Variants in DNM3 observed in about 807,000 individuals in gnomAD.
The protein encoded by DNM3 is dynamin-3.
In DNM3, 47 loss-of-function variants were observed where a neutral mutation model predicts 101.6. The observed-to-expected ratio is 0.46, with a 90% CI of 0.37 to 0.59. The LOEUF (loss-of-function observed/expected upper bound fraction) is 0.59. Ranked by LOEUF, DNM3 falls within the 20% of genes least tolerant of loss-of-function variation. The probability of loss-of-function intolerance (pLI) is 0.00; values close to 1 mark genes in which losing one functional copy is unlikely to be tolerated. For missense variants in DNM3, 849 were observed against 1,085.7 expected, an observed-to-expected ratio of 0.78 and a Z score of 3.06; for synonymous variants, 385 against 387.9, an observed-to-expected ratio of 0.99 and a Z score of 0.09.
chr1:172,269,392 T>C (rs554625539), intron 15 of DNM3, among the ~76,000 whole-genome samples: 1 of 152,208 alleles, frequency 6.6e-6, no homozygotes, highest in South Asian at 2.1e-4. Context: ...TTGGAAACCA[T>C]AGAACAACCC....
chr1:171,886,746 A>C (rs1217857296), intron 1 of DNM3, among the ~76,000 whole-genome samples: 1 of 152,228 alleles, frequency 6.6e-6, no homozygotes, highest in East Asian at 1.9e-4. Context: ...GATTAGGTTA[A>C]GAAGTCATTA....
chr1:171,958,978 A>G (rs1160798128), intron 2 of DNM3, among the ~76,000 whole-genome samples: 1 of 152,228 alleles, frequency 6.6e-6, no homozygotes, highest in African/African-American at 2.4e-5. Flanking sequence ...GTCTAGGAGC[A>G]TAATCTTGAG....
intron 17 of DNM3, chr1:172,370,047 C>A (rs954841587): frequency 1.3e-5 from 2 of 151,974 alleles, no homozygotes; most frequent in African/African-American, 4.8e-5. Flanking sequence ...TTTTAAAACC[C>A]CATCTCTCAA....
intron 19 of DNM3, 21 bp downstream of exon 19, chr1:172,387,380 G>A (rs1002865790): frequency 9.4e-6 from 15 of 1,592,534 alleles, no homozygotes; most frequent in African/African-American, 8.1e-5. Context: ...GGCCCCGGCC[G>A]GGTGCGGTGG....
chr1:172,061,126 T>A (rs1296208638), intron 10 of DNM3, among the ~76,000 whole-genome samples: 2 of 148,914 alleles, frequency 1.3e-5, no homozygotes, highest in Non-Finnish European at 3.0e-5. Flanking sequence ...ATCAGAGAAA[T>A]GCAAATCAAA....
At chr1:172,119,497 G>A (rs959496671) in intron 13 of DNM3, among the ~76,000 whole-genome samples, 7 of 151,662 alleles carry the variant, frequency 4.6e-5, no homozygotes, top group Admixed American at 1.3e-4. Flanking sequence ...TTCTAGCCCC[G>A]CCTCGGTTTC....
chr1:172,180,879 T>C (rs1464497840), intron 14 of DNM3, among the ~76,000 whole-genome samples: 2 of 152,154 alleles, frequency 1.3e-5, no homozygotes, highest in Non-Finnish European at 2.9e-5. Context: ...TCACAATATC[T>C]AATAGTTTAT....
intron 4 of DNM3, among the ~76,000 whole-genome samples, chr1:172,014,432 C>T (rs1268799991): frequency 6.6e-6 from 1 of 152,124 alleles, no homozygotes; most frequent in Non-Finnish European, 1.5e-5. Flanking sequence ...ATGAGAGTTC[C>T]TGTTGCTCCA....
chr1:172,291,726 T>C (rs1206825492), intron 15 of DNM3, among the ~76,000 whole-genome samples: 1 of 152,106 alleles, frequency 6.6e-6, no homozygotes, highest in Non-Finnish European at 1.5e-5. Context: ...ATTTGATAGT[T>C]GTAGTTATAA....
At chr1:172,020,648 C>T (rs11581104) in intron 4 of DNM3, among the ~76,000 whole-genome samples, 38,884 of 146,918 alleles carry the variant, frequency 0.26, 5,723 homozygotes, top group East Asian at 0.44. Flanking sequence ...GGTGTGAACC[C>T]GGGAGGTGGA....
At chr1:171,939,074 C>CT (rs35766040) in intron 2 of DNM3, among the ~76,000 whole-genome samples, 14,224 of 151,918 alleles carry the variant, frequency 0.094, 878 homozygotes, top group East Asian at 0.33. Context: ...TCTTTTGTTA[C>CT]TTTTTTTCCT....
intron 1 of DNM3, among the ~76,000 whole-genome samples, chr1:171,904,294 T>TA (rs1334958800): frequency 7.2e-5 from 11 of 152,118 alleles, no homozygotes; most frequent in African/African-American, 2.4e-4. Context: ...TGCGGCAGAG[T>TA]AAGACCCTGT....
chr1:172,177,833 G>A (rs140554963), intron 14 of DNM3, among the ~76,000 whole-genome samples: 187 of 151,930 alleles, frequency 1.2e-3, no homozygotes, highest in Admixed American at 1.6e-3. Context: ...CTTCCTAAAG[G>A]TCATGCACAT....
At chr1:171,988,526 A>G (rs183258693) in intron 3 of DNM3, among the ~76,000 whole-genome samples, 113 of 151,238 alleles carry the variant, frequency 7.5e-4, no homozygotes, top group Middle Eastern at 3.4e-3. Flanking sequence ...TAAGTGGTTA[A>G]CTTTCTATTA....
intron 17 of DNM3, among the ~76,000 whole-genome samples, chr1:172,344,001 C>T (rs1558021979): frequency 6.6e-6 from 1 of 152,076 alleles, no homozygotes; most frequent in African/African-American, 2.4e-5. Context: ...CAATTTGGAA[C>T]GCAGTCTTCT....
intron 11 of DNM3, among the ~76,000 whole-genome samples, chr1:172,075,280 A>C (rs929451682): frequency 4.0e-5 from 6 of 151,696 alleles, no homozygotes; most frequent in Non-Finnish European, 7.4e-5. Context: ...CACTCTGATG[A>C]TAGTTTCTTT....
intron 2 of DNM3, among the ~76,000 whole-genome samples, chr1:171,935,423 A>C (rs2041330765): frequency 6.6e-6 from 1 of 152,206 alleles, no homozygotes; most frequent in South Asian, 2.1e-4. Context: ...AATAAAGGTA[A>C]AAATTTTAAG....
intron 14 of DNM3, among the ~76,000 whole-genome samples, chr1:172,250,099 C>T (rs1456427725): frequency 1.3e-5 from 2 of 152,024 alleles, no homozygotes; most frequent in Admixed American, 6.6e-5. Context: ...TAAATTGAAG[C>T]TGTCTCGTAT....
At chr1:172,283,692 G>A (rs766994750) in intron 15 of DNM3, among the ~76,000 whole-genome samples, 5 of 149,210 alleles carry the variant, frequency 3.4e-5, no homozygotes, top group Non-Finnish European at 5.9e-5. Context: ...ACCAGGAGGC[G>A]GAGGTTGCAG....
Sources: allele counts gnomAD v4.1 joint callset (sites outside exome capture counted in the v4.1 genomes callset), GRCh38; gene constraint gnomAD v4.1.1; transcripts MANE v1.5; gene names NCBI Gene and HGNC (gene_info 2026-07-23, HGNC 2026-07-21).